NRXN3: variants seen among roughly 807,000 people sequenced by gnomAD.
NRXN3 encodes the protein neurexin 3, also known as neurexin III.
Under a neutral mutation model 137.6 loss-of-function variants are expected in NRXN3, and 32 were observed. The observed-to-expected ratio is 0.23, with a 90% CI of 0.18 to 0.31. The LOEUF is 0.31. Ranked by LOEUF, NRXN3 falls within the 10% of genes least tolerant of loss-of-function variation. The pLI is 1.00. For missense variants in NRXN3, 1,574 were observed against 2,062.5 expected (o/e 0.76, Z 4.59); for synonymous variants, 798 against 784.5 (o/e 1.02, Z -0.29).
intron 15 of NRXN3, among the ~76,000 whole-genome samples, chr14:79,021,793 A>G (rs771532010): frequency 5.9e-5 from 9 of 152,246 alleles, no homozygotes; most frequent in Non-Finnish European, 1.2e-4. Context: ...TATTTCAAAC[A>G]TGATTATGCA....
intron 4 of NRXN3, among the ~76,000 whole-genome samples, chr14:78,578,677 G>A (rs1011542917): frequency 6.6e-6 from 1 of 152,170 alleles, no homozygotes; most frequent in Non-Finnish European, 1.5e-5. Flanking sequence ...CCAAAAAGAT[G>A]TTAGCATCTT....
chr14:78,366,566 A>G (rs528892496), intron 4 of NRXN3, among the ~76,000 whole-genome samples: 1 of 152,224 alleles, frequency 6.6e-6, no homozygotes, highest in Admixed American at 6.5e-5. Flanking sequence ...AGACATATCC[A>G]TAAGACTGGG....
chr14:78,526,775 G>T (rs1315325830), intron 4 of NRXN3: 1 of 517,718 alleles, frequency 1.9e-6, no homozygotes, highest in East Asian at 5.5e-5. Flanking sequence ...GGAAAGCTGA[G>T]TTGGACTAAG....
intron 9 of NRXN3, among the ~76,000 whole-genome samples, chr14:78,807,415 C>T (rs1262105878): frequency 3.3e-5 from 5 of 152,182 alleles, no homozygotes; most frequent in East Asian, 3.9e-4. Context: ...CTTCCATGCT[C>T]GACCCAAAGC....
At chr14:79,749,824 A>G (rs1393318213) in intron 19 of NRXN3, among the ~76,000 whole-genome samples, 2 of 152,086 alleles carry the variant, frequency 1.3e-5, no homozygotes, top group African/African-American at 2.4e-5. Context: ...GTAGTTCAAC[A>G]TTCTTTGAGG....
intron 19 of NRXN3, among the ~76,000 whole-genome samples, chr14:79,772,777 G>T (rs55729540): frequency 6.6e-6 from 1 of 151,996 alleles, no homozygotes; most frequent in East Asian, 1.9e-4. Flanking sequence ...ATTGACAAAT[G>T]GGATCTAATT....
At chr14:79,738,346 CACACACACAG>C (rs1228193636) in intron 19 of NRXN3, among the ~76,000 whole-genome samples, 1 of 150,252 alleles carries the variant, frequency 6.7e-6, no homozygotes, top group East Asian at 2.0e-4. Context: ...CACACACACA[CACACACACAG>C]AGGAGAAGGT....
rs2099418578 is a variant in NRXN3 at position 79,867,674 on chromosome 14, A to T, written c.*5710A>T. ...GTTCTGTTTCTAGCAAATGTATAGT[A>T]GTGGGAATTGCAAAGGTTGAAGTTC... On this transcript the variant is annotated 3_prime_UTR_variant, in exon 21 of 21. Transcript: ENST00000335750. 1 of 152,210 alleles carries T rather than the reference A, an allele frequency of 6.6e-6. No homozygotes were observed. The highest frequency in any genetic ancestry group is 2.4e-5 in the African/African-American group (1 of 41,450). 9.4% of individuals were successfully genotyped at this position (152,210 alleles called of 1,614,324 possible). A position where few individuals can be genotyped will look rare whatever the true frequency, so the allele number is the denominator to read the frequency against.
At chr14:78,687,886 A>G (rs1264631005) in intron 6 of NRXN3, among the ~76,000 whole-genome samples, 3 of 152,250 alleles carry the variant, frequency 2.0e-5, no homozygotes, top group Non-Finnish European at 4.4e-5. Context: ...GCCAGGAGAC[A>G]AAGGACTAGA....
chr14:79,416,439 A>G (rs546126125), intron 15 of NRXN3, among the ~76,000 whole-genome samples: 2 of 152,304 alleles, frequency 1.3e-5, no homozygotes, highest in African/African-American at 4.8e-5. Flanking sequence ...TTCTTGTATG[A>G]CCAGAAAGTT....
At chr14:78,697,435 GTCA>G (rs1284270649) in intron 6 of NRXN3, among the ~76,000 whole-genome samples, 4 of 151,988 alleles carry the variant, frequency 2.6e-5, no homozygotes, top group African/African-American at 9.7e-5. Context: ...AACGGAGTGA[GTCA>G]TCATAGGAAT....
chr14:79,645,667 C>T (rs1017735762), intron 16 of NRXN3, among the ~76,000 whole-genome samples: 4 of 132,134 alleles, frequency 3.0e-5, no homozygotes, highest in African/African-American at 1.0e-4. Flanking sequence ...TGGTATAATA[C>T]CTCGCACACA....
At chr14:79,304,413 C>G (rs774690994) in intron 15 of NRXN3, among the ~76,000 whole-genome samples, 16 of 151,970 alleles carry the variant, frequency 1.1e-4, no homozygotes, top group Non-Finnish European at 2.1e-4. Flanking sequence ...AAAAAGTGAC[C>G]TGTGTTAAAA....
chr14:79,601,637 G>T (rs2543572), intron 16 of NRXN3, among the ~76,000 whole-genome samples: 70,083 of 151,630 alleles, frequency 0.46, 18,349 homozygotes, highest in African/African-American at 0.73. Context: ...AGACTACACG[G>T]CCAGTGCCCT....
At chr14:79,274,974 T>C (rs1266732418) in intron 15 of NRXN3, among the ~76,000 whole-genome samples, 1 of 152,124 alleles carries the variant, frequency 6.6e-6, no homozygotes, top group Non-Finnish European at 1.5e-5. Context: ...CTTGTAGAAG[T>C]GATGTCTAAA....
chr14:79,236,785 C>T (rs2073437197), intron 15 of NRXN3, among the ~76,000 whole-genome samples: 2 of 152,000 alleles, frequency 1.3e-5, no homozygotes, highest in African/African-American at 4.8e-5. Context: ...CATGGTGGCA[C>T]ACGCATGTAG....
intron 8 of NRXN3, among the ~76,000 whole-genome samples, chr14:78,772,593 A>G (rs1364431506): frequency 6.6e-6 from 1 of 152,202 alleles, no homozygotes; most frequent in East Asian, 1.9e-4. Flanking sequence ...ATAACAAATA[A>G]CAGATCAGAG....
intron 4 of NRXN3, among the ~76,000 whole-genome samples, chr14:78,451,090 G>A (rs1430033913): frequency 6.6e-6 from 1 of 152,194 alleles, no homozygotes; most frequent in Non-Finnish European, 1.5e-5. Context: ...TATAGGGCCT[G>A]TCTCTGGCCA....
chr14:79,097,914 C>T (rs552998585), intron 15 of NRXN3, among the ~76,000 whole-genome samples: 8 of 152,254 alleles, frequency 5.3e-5, no homozygotes, highest in South Asian at 2.1e-4. Flanking sequence ...GATATACATA[C>T]GAATTCCTAA....
Sources: gnomAD v4.1 joint callset for allele counts (sites outside exome capture counted in the v4.1 genomes callset) on GRCh38, gnomAD v4.1.1 for gene constraint, MANE v1.5 for transcripts, NCBI Gene and HGNC (gene_info 2026-07-23, HGNC 2026-07-21) for gene names.